CATSPERD: variants seen among roughly 807,000 people sequenced by gnomAD.
The protein encoded by CATSPERD is catsper channel auxiliary subunit delta, also known as cation channel sperm-associated auxiliary subunit delta.
In CATSPERD, 86 loss-of-function variants were observed where a neutral mutation model predicts 98.1. That is an observed-to-expected ratio of 0.88 (90% CI 0.74 to 1.05). The LOEUF (loss-of-function observed/expected upper bound fraction) is 1.05. Among genes scored for constraint, CATSPERD ranks in the 50% least tolerant of loss-of-function variants. CATSPERD has a pLI of 0.00. For synonymous variants in CATSPERD, 394 were observed against 390.2 expected (o/e 1.01, Z -0.12); for missense variants, 995 against 1,005.7 (o/e 0.99, Z 0.14).
At chr19:5,758,468 C>T (rs2056368700) in intron 14 of CATSPERD, among the ~76,000 whole-genome samples, 1 of 151,698 alleles carries the variant, frequency 6.6e-6, no homozygotes, top group East Asian at 1.9e-4. Flanking sequence ...TGGCTCACGC[C>T]TGGAATCCCA....
intron 5 of CATSPERD, among the ~76,000 whole-genome samples, chr19:5,735,686 G>A (rs1417689870): frequency 6.6e-6 from 1 of 151,824 alleles, no homozygotes; most frequent in East Asian, 1.9e-4. Context: ...TGTTGGCCAG[G>A]ATGATCTCGA....
chr19:5,759,124 C>T lies in CATSPERD; in HGVS notation c.1407C>T (p.Thr469=), dbSNP rs757667502. ...FLKQQQHWGR[T]DSNFTSSLKK... ...AACAGCAGCAGCACTGGGGCAGGAC[C>T]GACTCCAACTTCACTTCCAGGTATG... Residue 469 remains threonine, a synonymous_variant, in exon 15 of 22, where the codon ACC becomes ACT. Transcript: ENST00000381624. 16 of 1,613,718 alleles carry T rather than the reference C, an allele frequency of 9.9e-6. No homozygotes were observed. Among genetic ancestry groups the T allele is most frequent in the African/African-American group, 2.7e-5 (2 of 74,856 alleles).
rs1401318011 is a variant in CATSPERD at position 5,759,067 on chromosome 19, TTC to T, written c.1369-13_1369-12del. ...GTGTTCCACGGATACACTTGGGATT[TTC>T]TCTCTTGACCCCACAGGATATTTTC... On this transcript the variant is annotated splice_polypyrimidine_tract_variant and intron_variant, in intron 14 of 21. Coordinates refer to ENST00000381624, the MANE Select transcript of CATSPERD (RefSeq NM_152784.4). The T allele has an allele frequency of 6.2e-7, 1 of 1,613,268 alleles. No homozygotes were observed. Among genetic ancestry groups the T allele is most frequent in the African/African-American group, 1.3e-5 (1 of 74,894 alleles).
intron 17 of CATSPERD, among the ~76,000 whole-genome samples, chr19:5,766,835 G>C (rs1446314260): frequency 6.6e-6 from 1 of 151,370 alleles, no homozygotes; most frequent in Non-Finnish European, 1.5e-5. Flanking sequence ...TGAGATTACA[G>C]GCGCCCGCTA....
chr19:5,733,381 CTCTCTGCCTCCTTCCT>C (rs776330845), intron 4 of CATSPERD, among the ~76,000 whole-genome samples: 55 of 146,656 alleles, frequency 3.8e-4, no homozygotes, highest in Middle Eastern at 3.5e-3. Context: ...CCTTCCCTCC[CTCTCTGCCTCCTTCCT>C]TCCTTTCTTC....
At position 5,767,987 on chromosome 19, in the gene CATSPERD, G is replaced by A. The variant is rs555810530; in HGVS notation, c.1560-181G>A. Among the ~76,000 whole-genome samples the A allele has an allele frequency of 1.1e-3, 172 of 152,132 alleles. 2 individuals are homozygous for A. The highest frequency in any genetic ancestry group is 9.4e-3 in the Admixed American group (143 of 15,236). ...AACTTTTTGTATCTTTAGTAGAGAC[G>A]GGGTTTCCTCATGTTGGCCAGGCTG... On this transcript the variant is annotated intron_variant, in intron 17 of 21. Coordinates refer to ENST00000381624, the MANE Select transcript of CATSPERD (RefSeq NM_152784.4).
Position 5,750,420 on chromosome 19 carries a change from T to C in CATSPERD, c.988-1227T>C, listed in dbSNP as rs369520193. ...GAGCAGAGATCAAGCCACTGCACTCTAGCCTGGGTGACTGAGCGAGACTCT... is the reference window on the plus strand; with the variant it reads ...GAGCAGAGATCAAGCCACTGCACTCCAGCCTGGGTGACTGAGCGAGACTCT... On this transcript the variant is annotated intron_variant, in intron 11 of 21. Transcript: ENST00000381624. Among the ~76,000 whole-genome samples the C allele has an allele frequency of 4.6e-3, 549 of 118,138 alleles. 4 individuals are homozygous for C. Among genetic ancestry groups the C allele is most frequent in the East Asian group, 0.022 (76 of 3,464 alleles). 77.5% of individuals were successfully genotyped at this position (118,138 alleles called of 152,430 possible).
intron 4 of CATSPERD, among the ~76,000 whole-genome samples, chr19:5,730,884 G>C (rs996660569): frequency 4.0e-5 from 6 of 151,840 alleles, no homozygotes; most frequent in Non-Finnish European, 7.4e-5. Flanking sequence ...GCTTGTAGTC[G>C]CAGCTACTTG....
At chr19:5,728,730 G>A (rs1479118047) in intron 3 of CATSPERD, among the ~76,000 whole-genome samples, 1 of 141,556 alleles carries the variant, frequency 7.1e-6, no homozygotes. Flanking sequence ...ACAGAGTCTT[G>A]TTCTGTCACC....
chr19:5,752,482 C>T (rs1014307806), intron 12 of CATSPERD, among the ~76,000 whole-genome samples: 11 of 151,752 alleles, frequency 7.2e-5, no homozygotes, highest in African/African-American at 2.7e-4. Flanking sequence ...TTCTAAAACA[C>T]TAATTTAAAA....
chr19:5,729,506 T>C (rs1262758374), intron 3 of CATSPERD, among the ~76,000 whole-genome samples: 1 of 152,182 alleles, frequency 6.6e-6, no homozygotes, highest in Non-Finnish European at 1.5e-5. Flanking sequence ...CCTTTTCCTA[T>C]TTAAAAGTTT....
intron 2 of CATSPERD, 99 bp from the exon 3 acceptor site, chr19:5,727,169 T>C (rs2055620926): frequency 1.1e-5 from 10 of 869,798 alleles, no homozygotes; most frequent in Non-Finnish European, 1.7e-5. Flanking sequence ...CACTCCAGCC[T>C]GGGCAACAGA....
intron 16 of CATSPERD, among the ~76,000 whole-genome samples, chr19:5,765,606 G>A (rs1217387518): frequency 6.6e-6 from 1 of 152,014 alleles, no homozygotes; most frequent in Non-Finnish European, 1.5e-5. Context: ...GAGGTCAAGA[G>A]TTGGAGACCA....
intron 11 of CATSPERD, among the ~76,000 whole-genome samples, chr19:5,751,197 C>CAAAAAAAA (rs556079596): frequency 4.9e-4 from 23 of 46,632 alleles, no homozygotes; most frequent in Admixed American, 1.2e-3. Flanking sequence ...GATTCCGTCT[C>CAAAAAAAA]AAAAAAAAAA....
intron 19 of CATSPERD, chr19:5,772,169 TC>T: frequency 5.0e-6 from 2 of 400,268 alleles, no homozygotes; most frequent in Non-Finnish European, 9.7e-6. Flanking sequence ...TGCCTCAGCC[TC>T]CCAAGTAGCT....
At chr19:5,761,410 G>T (rs1599574624) in intron 15 of CATSPERD, among the ~76,000 whole-genome samples, 1 of 20,036 alleles carries the variant, frequency 5.0e-5, no homozygotes, top group East Asian at 8.2e-4. Context: ...CCAGTGTTCA[G>T]AAATTAATGG....
intron 20 of CATSPERD, among the ~76,000 whole-genome samples, chr19:5,773,306 G>T (rs534713380): frequency 2.0e-5 from 3 of 152,154 alleles, no homozygotes; most frequent in Non-Finnish European, 4.4e-5. Context: ...GACTGCAAAA[G>T]ACTCGAAGGT....
chr19:5,758,239 G>C (rs2056364628), intron 14 of CATSPERD, among the ~76,000 whole-genome samples: 1 of 152,056 alleles, frequency 6.6e-6, no homozygotes, highest in Non-Finnish European at 1.5e-5. Context: ...CAGGGCAGGG[G>C]CCTGACCAGG....
At position 5,724,791 on chromosome 19, in the gene CATSPERD, T is replaced by A. The variant is rs1286650915; in HGVS notation, c.72-17T>A. 1 of 1,613,070 alleles carries A rather than the reference T, an allele frequency of 6.2e-7. No homozygotes were observed. Among genetic ancestry groups the A allele is most frequent in the Admixed American group, 1.7e-5 (1 of 60,014 alleles). ...ATTCAATAAAAATTGACAGATGGTCTTTCTTGTCACTTCTAGTTCTCGCAC... is the reference window on the plus strand; with the variant it reads ...ATTCAATAAAAATTGACAGATGGTCATTCTTGTCACTTCTAGTTCTCGCAC... On this transcript the variant is annotated splice_polypyrimidine_tract_variant and intron_variant, in intron 1 of 21. Transcript: ENST00000381624.
Sources: gnomAD v4.1 joint callset for allele counts (sites outside exome capture counted in the v4.1 genomes callset) on GRCh38, gnomAD v4.1.1 for gene constraint, MANE v1.5 for transcripts, NCBI Gene and HGNC (gene_info 2026-07-23, HGNC 2026-07-21) for gene names.